CDKN2AIPNL: variants seen among roughly 807,000 people sequenced by gnomAD.
CDKN2AIPNL encodes CDKN2AIP N-terminal-like protein.
CDKN2AIPNL carries 9 observed loss-of-function variants against 12.9 expected under a neutral mutation model. That is an observed-to-expected ratio of 0.70 (90% confidence interval 0.42 to 1.22). The LOEUF is 1.22. Among genes scored for constraint, CDKN2AIPNL ranks in the 50% most tolerant of loss-of-function variants. The pLI is 0.00. For synonymous variants in CDKN2AIPNL, 53 were observed against 61.7 expected (o/e 0.86, Z 0.66); for missense variants, 143 against 153.6 (o/e 0.93, Z 0.37).
At chr5:134,411,534 T>A (rs955990154) in intron 1 of CDKN2AIPNL, 82 bp downstream of exon 1, 5 of 1,239,950 alleles carry the variant, frequency 4.0e-6, no homozygotes, top group Non-Finnish European at 5.7e-6. Context: ...GGGCAGAGGT[T>A]CGGGTCAGGG....
intron 2 of CDKN2AIPNL, 60 bp from the exon 3 acceptor site, chr5:134,402,986 C>G: frequency 1.4e-6 from 2 of 1,450,932 alleles, no homozygotes; most frequent in Non-Finnish European, 1.9e-6. Context: ...TCAAATTCAT[C>G]TTCATAAATT....
rs1387073065 is a variant in CDKN2AIPNL at position 134,411,730 on chromosome 5, T to A, written c.125A>T (p.Glu42Val). 8 of 1,612,974 alleles carry A rather than the reference T, an allele frequency of 5.0e-6. No individual in the cohort carries two copies. Among genetic ancestry groups the A allele is most frequent in the African/African-American group, 1.3e-5 (1 of 74,862 alleles). The change falls in exon 1 of 3, where the codon GAA (glutamate) becomes GTA (valine). Residue 42 changes from glutamate (E) to valine (V), a missense_variant. Physicochemically the swap from Glu to Val is moderately radical, Grantham distance 121. Transcript: ENST00000458198. ...GTCGGGCAGGTGGCGCAGGATGAAT[T>A]CCATGCGGGCCTTCCATTGCTTCTC... ...ESEKQWKARMEFILRHLPDYR... is the reference protein window; with the variant it reads ...ESEKQWKARMVFILRHLPDYR...
intron 2 of CDKN2AIPNL, among the ~76,000 whole-genome samples, chr5:134,404,093 G>A (rs1487328536): frequency 2.0e-5 from 3 of 152,230 alleles, no homozygotes; most frequent in Non-Finnish European, 4.4e-5. Flanking sequence ...CCAAGGCTAT[G>A]GAAGCGTACA....
At chr5:134,411,579 T>G in intron 1 of CDKN2AIPNL, 37 bp downstream of exon 1, 1 of 1,569,280 alleles carries the variant, frequency 6.4e-7, no homozygotes, top group Non-Finnish European at 8.7e-7. Flanking sequence ...GGTCGGAAGA[T>G]AGGGGACAGG....
intron 2 of CDKN2AIPNL, among the ~76,000 whole-genome samples, chr5:134,407,053 A>AT (rs893324459): frequency 2.6e-5 from 4 of 152,190 alleles, no homozygotes; most frequent in Non-Finnish European, 2.9e-5. Flanking sequence ...TGGCCTCTAT[A>AT]TAGGCTTCTT....
At chr5:134,407,296 C>CA (rs1554115881) in intron 2 of CDKN2AIPNL, among the ~76,000 whole-genome samples, 8 of 140,754 alleles carry the variant, frequency 5.7e-5, no homozygotes, top group African/African-American at 2.1e-4. Flanking sequence ...CACACACACA[C>CA]ACTTCACACT....
At chr5:134,411,282 T>C (rs1354441949) in intron 1 of CDKN2AIPNL, among the ~76,000 whole-genome samples, 1 of 152,226 alleles carries the variant, frequency 6.6e-6, no homozygotes, top group Non-Finnish European at 1.5e-5. Flanking sequence ...GGACTTCGAA[T>C]GCATACTGCA....
In CDKN2AIPNL at chr5:134,409,963, G is replaced by A. The variant is rs764457268; in HGVS notation, c.279C>T (p.Ala93=). The change falls in exon 2 of 3, where the codon GCC becomes GCT. Residue 93 remains alanine, a synonymous_variant. Transcript: ENST00000458198. ...GCAGGTCTTCCACTTCAATCCCATC[G>A]GCCATTTCCATCACCTTGTCTAAAA... The part of the protein sequence containing the change: ...KDLLDKVMEM[A]DGIEVEDLPQ... The A allele has an allele frequency of 5.6e-5, 90 of 1,611,986 alleles. No homozygotes were observed. Among genetic ancestry groups the A allele is most frequent in the East Asian group, 1.1e-4 (5 of 44,826 alleles).
intron 2 of CDKN2AIPNL, among the ~76,000 whole-genome samples, chr5:134,407,528 CT>C (rs1273126275): frequency 6.6e-6 from 1 of 152,136 alleles, no homozygotes; most frequent in Non-Finnish European, 1.5e-5. Flanking sequence ...AATCCCAGCA[CT>C]TTGGGAAGCT....
chr5:134,406,273 A>G (rs1759102865), intron 2 of CDKN2AIPNL, among the ~76,000 whole-genome samples: 1 of 152,204 alleles, frequency 6.6e-6, no homozygotes, highest in Non-Finnish European at 1.5e-5. Flanking sequence ...ATGCCAGGCA[A>G]TTTACTTCCA....
intron 2 of CDKN2AIPNL, among the ~76,000 whole-genome samples, chr5:134,406,563 A>C (rs941445023): frequency 2.0e-5 from 3 of 152,250 alleles, no homozygotes; most frequent in African/African-American, 7.2e-5. Flanking sequence ...TTGTCATGGT[A>C]CATAGATCAG....
intron 2 of CDKN2AIPNL, among the ~76,000 whole-genome samples, chr5:134,409,158 T>G (rs189950732): frequency 7.9e-5 from 12 of 152,296 alleles, no homozygotes; most frequent in Admixed American, 7.8e-4. Context: ...AAAGACTAAA[T>G]AGAACTTTAG....
chr5:134,410,479 A>T (rs1417438618), intron 1 of CDKN2AIPNL: 1 of 163,682 alleles, frequency 6.1e-6, no homozygotes, highest in Non-Finnish European at 1.3e-5. Context: ...ATACCAGTAC[A>T]GCAGATGTTT....
chr5:134,404,198 C>G (rs1157185742), intron 2 of CDKN2AIPNL, among the ~76,000 whole-genome samples: 1 of 152,206 alleles, frequency 6.6e-6, no homozygotes, highest in Non-Finnish European at 1.5e-5. Flanking sequence ...TAAGACTGGT[C>G]TGTGGGATCA....
chr5:134,407,256 AACACACACACACACACACAC>A (rs5871539), intron 2 of CDKN2AIPNL, among the ~76,000 whole-genome samples: 3 of 139,610 alleles, frequency 2.1e-5, no homozygotes, highest in East Asian at 2.2e-4. Context: ...GACCCTTCCT[AACACACACACACACACACAC>A]ACACACACAC....
chr5:134,402,873 T>C lies in CDKN2AIPNL; in HGVS notation c.*42A>G, dbSNP rs1759049756. On this transcript the variant is annotated 3_prime_UTR_variant, in exon 3 of 3. Coordinates refer to ENST00000458198, the MANE Select transcript of CDKN2AIPNL (RefSeq NM_080656.3). ...GTCACATTCATCCCAGCCTCCTTTC[T>C]AATCCTGTAGCTGATGATGAAAATG... 1.9e-6 allele frequency: 3 copies of C among 1,597,440 alleles called. No individual in the cohort carries two copies. The African/African-American group carries it at 4.0e-5, about 21-fold the overall frequency.
chr5:134,411,296 G>A (rs914193115), intron 1 of CDKN2AIPNL, among the ~76,000 whole-genome samples: 2 of 152,176 alleles, frequency 1.3e-5, no homozygotes, highest in African/African-American at 4.8e-5. Context: ...TACTGCAAAG[G>A]TGATGGTTTG....
rs376747451 is a variant in CDKN2AIPNL, at chr5:134,405,453, G to A, written c.340-2527C>T. ...ATTTTTTGAGACAGAGTCTCACTCT[G>A]TCGCCCAGGCTGGAGTGCAATGACA... On this transcript the variant is annotated intron_variant, in intron 2 of 2. Coordinates refer to ENST00000458198, the MANE Select transcript of CDKN2AIPNL (RefSeq NM_080656.3). Among the ~76,000 whole-genome samples the A allele has an allele frequency of 5.5e-5, 8 of 146,598 alleles. No homozygotes were observed. In the East Asian group the frequency reaches 1.7e-3, roughly 31 times the overall value.
intron 2 of CDKN2AIPNL, 39 bp downstream of exon 2, chr5:134,409,864 T>A: frequency 2.2e-6 from 3 of 1,351,334 alleles, no homozygotes; most frequent in Non-Finnish European, 3.2e-6. Context: ...CTGTTAACTC[T>A]ACACCATTTC....
Sources: allele counts gnomAD v4.1 joint callset (sites outside exome capture counted in the v4.1 genomes callset), GRCh38; gene constraint gnomAD v4.1.1; transcripts MANE v1.5; gene names NCBI Gene and HGNC (gene_info 2026-07-23, HGNC 2026-07-21).